AR: variants seen among roughly 807,000 people sequenced by gnomAD.
AR encodes dihydrotestosterone receptor.
A neutral mutation model predicts 53.9 loss-of-function variants in AR; 8 were observed. The observed-to-expected ratio is 0.15, with a 90% CI of 0.09 to 0.27. The LOEUF is 0.27. Among genes scored for constraint, AR ranks in the 10% least tolerant of loss-of-function variants. The probability of loss-of-function intolerance (pLI) is 1.00; values close to 1 mark genes in which losing one functional copy is unlikely to be tolerated. For missense variants in AR, 639 were observed against 742.5 expected (o/e 0.86, Z 1.62); for synonymous variants, 359 against 316.4 (o/e 1.13, Z -1.43).
intron 1 of AR, among the ~76,000 whole-genome samples, chrX:67,616,796 C>G (rs934749247): frequency 9.0e-6 from 1 of 111,237 alleles, no homozygotes; most frequent in African/African-American, 3.3e-5. Context: ...GGGGATAAAA[C>G]TGTGAACAAA....
intron 2 of AR, among the ~76,000 whole-genome samples, chrX:67,645,489 AAC>A (rs772702662): frequency 9.0e-6 from 1 of 111,058 alleles, no homozygotes; most frequent in East Asian, 2.9e-4. Context: ...CAACTCACAG[AAC>A]ACACAGAAAT....
chrX:67,714,030 A>G (rs1766925546), intron 4 of AR, among the ~76,000 whole-genome samples: 1 of 112,303 alleles, frequency 8.9e-6, no homozygotes, highest in Admixed American at 9.5e-5. Flanking sequence ...CCCTAATAAG[A>G]TAAATTTTGT....
intron 1 of AR, among the ~76,000 whole-genome samples, chrX:67,574,982 G>A (rs972010681): frequency 2.7e-5 from 3 of 111,287 alleles, no homozygotes; most frequent in African/African-American, 9.8e-5. Context: ...TTTTCCGGGG[G>A]GGATGACTTC....
At position 67,730,176 on chromosome X, in the gene AR, GAAA is replaced by G. The variant is rs1226722173; in HGVS notation, c.*6336_*6338del. On this transcript the variant is annotated 3_prime_UTR_variant, in exon 8 of 8. Transcript: ENST00000374690. ...TAATTTTCAATATTGAAGGAAAAAA[GAAA>G]TAAGAAGAGAGAGAGAAAGAAAGCA... 1.1e-4 allele frequency: 9 copies of G among 81,109 alleles called. No homozygotes were observed. The highest frequency in any genetic ancestry group is 2.4e-4 in the Non-Finnish European group (9 of 37,513). 6.7% of individuals were successfully genotyped at this position (81,109 alleles called of 1,213,427 possible).
chrX:67,559,900 A>G (rs1271797564), intron 1 of AR, among the ~76,000 whole-genome samples: 1 of 112,018 alleles, frequency 8.9e-6, no homozygotes, highest in Admixed American at 9.5e-5. Context: ...TTTAAAAACC[A>G]CAGTTAGCAA....
chrX:67,676,241 C>A (rs1032971282), intron 2 of AR, among the ~76,000 whole-genome samples: 7 of 111,814 alleles, frequency 6.3e-5, no homozygotes, highest in African/African-American at 2.3e-4. Context: ...TTGCAAATCA[C>A]TCCACTGTTT....
chrX:67,695,819 TCTCACA>T, intron 3 of AR: 1 of 740,922 alleles, frequency 1.3e-6, no homozygotes, highest in Non-Finnish European at 1.6e-6. Flanking sequence ...TCTCTCTCTC[TCTCACA>T]CACACACACA....
intron 1 of AR, among the ~76,000 whole-genome samples, chrX:67,627,795 T>A (rs1924775686): frequency 8.9e-6 from 1 of 111,785 alleles, no homozygotes; most frequent in African/African-American, 3.3e-5. Flanking sequence ...CTTTAATCCA[T>A]CTCGAATTGA....
At chrX:67,625,960 T>G (rs1924610677) in intron 1 of AR, among the ~76,000 whole-genome samples, 1 of 111,235 alleles carries the variant, frequency 9.0e-6, no homozygotes, top group Non-Finnish European at 1.9e-5. Flanking sequence ...AAAGTAGGTG[T>G]GTATATTTAT....
intron 1 of AR, among the ~76,000 whole-genome samples, chrX:67,560,771 C>T (rs1212929597): frequency 9.0e-6 from 1 of 111,362 alleles, no homozygotes; most frequent in Non-Finnish European, 1.9e-5. Context: ...TTCTTATAAT[C>T]CCTTTGACCT....
intron 1 of AR, among the ~76,000 whole-genome samples, chrX:67,550,304 T>A (rs1277935071): frequency 8.9e-6 from 1 of 112,199 alleles, no homozygotes; most frequent in African/African-American, 3.2e-5. Flanking sequence ...CTTTGAGCTG[T>A]AAACTTTGAA....
At chrX:67,639,694 C>T (rs1206836009) in intron 1 of AR, among the ~76,000 whole-genome samples, 1 of 111,919 alleles carries the variant, frequency 8.9e-6, no homozygotes, top group Non-Finnish European at 1.9e-5. Context: ...GCTGAAGTTG[C>T]TTGTCAGCTT....
chrX:67,629,811 G>A (rs1178878832), intron 1 of AR, among the ~76,000 whole-genome samples: 1 of 110,859 alleles, frequency 9.0e-6, no homozygotes, highest in East Asian at 2.8e-4. Context: ...TGCTTTGAAT[G>A]TGTCCCAGAG....
At chrX:67,670,931 C>T (rs1045000977) in intron 2 of AR, among the ~76,000 whole-genome samples, 3 of 111,636 alleles carry the variant, frequency 2.7e-5, no homozygotes, top group Non-Finnish European at 5.6e-5. Flanking sequence ...AGGACATGAA[C>T]TCATCCTTTT....
intron 1 of AR, among the ~76,000 whole-genome samples, chrX:67,588,558 T>C (rs946835522): frequency 2.7e-5 from 3 of 111,775 alleles, no homozygotes; most frequent in Non-Finnish European, 5.6e-5. Flanking sequence ...CCAGGTACCC[T>C]TTATGAAAGT....
chrX:67,631,279 A>G (rs755623070), intron 1 of AR, among the ~76,000 whole-genome samples: 2 of 111,652 alleles, frequency 1.8e-5, no homozygotes, highest in South Asian at 3.8e-4. Flanking sequence ...AGGTACACCA[A>G]TCAGACATAG....
intron 3 of AR, chrX:67,689,553 T>C: frequency 4.1e-6 from 4 of 963,940 alleles, no homozygotes; most frequent in Non-Finnish European, 5.3e-6. Flanking sequence ...CTTTTTTTTC[T>C]AGCAGCTGTT....
Position 67,727,528 on chromosome X carries a change from G to T in AR, c.*3687G>T. 1 of 173,075 alleles carries T rather than the reference G, an allele frequency of 5.8e-6. No homozygotes were observed. Among genetic ancestry groups the T allele is most frequent in the Non-Finnish European group, 1.1e-5 (1 of 89,909 alleles). 14.3% of individuals were successfully genotyped at this position (173,075 alleles called of 1,213,427 possible). The stretch of plus-strand genomic sequence containing the variant: ...TGATGCACAAATGAGCTAACATTGA[G>T]CTTCAAGTAGCTTCTAAGTGTTTGT... On this transcript the variant is annotated 3_prime_UTR_variant, in exon 8 of 8. Coordinates refer to ENST00000374690, the MANE Select transcript of AR (RefSeq NM_000044.6).
intron 3 of AR, chrX:67,694,755 G>A: frequency 1.0e-5 from 12 of 1,151,560 alleles, no homozygotes; most frequent in Non-Finnish European, 1.3e-5. Flanking sequence ...CAAAATGAGG[G>A]CTCTAGAGGG....
Sources: gnomAD v4.1 joint callset for allele counts (sites outside exome capture counted in the v4.1 genomes callset) on GRCh38, gnomAD v4.1.1 for gene constraint, MANE v1.5 for transcripts, NCBI Gene and HGNC (gene_info 2026-07-23, HGNC 2026-07-21) for gene names.